Variants in WNT3A observed in about 807,000 individuals in gnomAD.
WNT3A encodes the protein protein Wnt-3a.
WNT3A carries 17 observed loss-of-function variants against 37.0 expected under a neutral mutation model. The observed-to-expected ratio is 0.46, with a 90% CI of 0.31 to 0.69. WNT3A has a LOEUF of 0.69. WNT3A is among the 30% of genes least tolerant of loss of function. The pLI is 0.05. For missense variants in WNT3A, 411 were observed against 510.2 expected (o/e 0.81, Z 1.87); for synonymous variants, 187 against 211.0 (o/e 0.89, Z 0.99).
At chr1:228,016,504 C>T (rs2030536346) in intron 1 of WNT3A, among the ~76,000 whole-genome samples, 1 of 152,106 alleles carries the variant, frequency 6.6e-6, no homozygotes, top group Non-Finnish European at 1.5e-5. Context: ...AAGGGGGCTG[C>T]ATTGGGGACA....
chr1:228,009,414 A>G (rs2030305985), intron 1 of WNT3A, among the ~76,000 whole-genome samples: 1 of 152,138 alleles, frequency 6.6e-6, no homozygotes, highest in South Asian at 2.1e-4. Context: ...TAGCCGGGGA[A>G]GATTCTCTCT....
intron 3 of WNT3A, among the ~76,000 whole-genome samples, chr1:228,055,240 G>A (rs1172655675): frequency 3.7e-5 from 4 of 107,142 alleles, no homozygotes; most frequent in African/African-American, 1.6e-4. Flanking sequence ...AATAGATTTG[G>A]AAAATAATTA....
rs1203268774 is a variant in WNT3A at position 228,038,712 on chromosome 1, T to C, written c.314-11944T>C. ...GTATGTGGTGGGGGTGTGGTAATCA[T>C]ACAGGGTGCAGCGTGCACGGGGGGC... is the stretch of plus-strand genomic sequence containing the variant. On this transcript the variant is annotated intron_variant, in intron 2 of 3. Coordinates refer to ENST00000284523, the MANE Select transcript of WNT3A (RefSeq NM_033131.4). This position sits in a 1 kb window ranked among gnomAD's most constrained non-coding sequence, Gnocchi z 5.7. Among the ~76,000 whole-genome samples the C allele has an allele frequency of 6.6e-6, 1 of 152,132 alleles. No individual in the cohort carries two copies. Among genetic ancestry groups the C allele is most frequent in the East Asian group, 1.9e-4 (1 of 5,184 alleles).
chr1:228,014,682 G>T (rs967035970), intron 1 of WNT3A, among the ~76,000 whole-genome samples: 1 of 152,268 alleles, frequency 6.6e-6, no homozygotes, highest in Non-Finnish European at 1.5e-5. Context: ...AATTGCACAT[G>T]GGACCAAACC....
At chr1:228,055,359 A>G (rs1363108487) in intron 3 of WNT3A, among the ~76,000 whole-genome samples, 1 of 149,590 alleles carries the variant, frequency 6.7e-6, no homozygotes, top group Non-Finnish European at 1.5e-5. Flanking sequence ...CAATAAATTA[A>G]TTTTAAAATA....
At chr1:228,047,488 C>A (rs183756689) in intron 2 of WNT3A, among the ~76,000 whole-genome samples, 1 of 152,068 alleles carries the variant, frequency 6.6e-6, no homozygotes, top group Non-Finnish European at 1.5e-5. Flanking sequence ...CACACTCACT[C>A]GTGCCTTTCT....
At chr1:228,058,470 G>A (rs567904840) in intron 3 of WNT3A, among the ~76,000 whole-genome samples, 1 of 152,350 alleles carries the variant, frequency 6.6e-6, no homozygotes, top group East Asian at 1.9e-4. Context: ...TCCCCCAACA[G>A]CCTTATGTCC....
rs2031517364 is a variant in WNT3A at position 228,050,404 on chromosome 1, G to T, written c.314-252G>T. On this transcript the variant is annotated intron_variant, in intron 2 of 3. Coordinates refer to ENST00000284523, the MANE Select transcript of WNT3A (RefSeq NM_033131.4). The surrounding 1 kb of genome is among the most constrained non-coding windows in gnomAD (Gnocchi z 5.0). Reference sequence around the variant, plus strand: ...CACCATGTAATTTCTTGCACACACTGGTTCCCCTTTACGCCCCCTTTCCCT... The same window carrying T: ...CACCATGTAATTTCTTGCACACACTTGTTCCCCTTTACGCCCCCTTTCCCT... 6.6e-6 allele frequency among the ~76,000 whole-genome samples: 1 copy of T among 152,154 alleles called. No individual in the cohort carries two copies. Among genetic ancestry groups the T allele is most frequent in the African/African-American group, 2.4e-5 (1 of 41,448 alleles).
At position 228,050,744 on chromosome 1, in the gene WNT3A, C is replaced by T; in HGVS notation, c.402C>T (p.Ala134=). ...GCTCATGTGCAGAAGGCACGGCCGC[C>T]ATCTGTGGCTGCAGCAGCCGCCACC... ...VTRSCAEGTA[A]ICGCSSRHQG... Residue 134 remains alanine, a synonymous_variant, in exon 3 of 4, where the codon GCC becomes GCT. Coordinates refer to ENST00000284523, the MANE Select transcript of WNT3A (RefSeq NM_033131.4). This position sits in a 1 kb window ranked among gnomAD's most constrained non-coding sequence, Gnocchi z 5.0. 1 of 1,614,158 alleles carries T rather than the reference C, an allele frequency of 6.2e-7. No individual in the cohort carries two copies. Among genetic ancestry groups the T allele is most frequent in the Non-Finnish European group, 8.5e-7 (1 of 1,180,026 alleles).
chr1:228,038,754 C>T lies in WNT3A; in HGVS notation c.314-11902C>T, dbSNP rs1374796883. On this transcript the variant is annotated intron_variant, in intron 2 of 3. Coordinates refer to ENST00000284523, the MANE Select transcript of WNT3A (RefSeq NM_033131.4). This position sits in a 1 kb window ranked among gnomAD's most constrained non-coding sequence, Gnocchi z 5.7. Reference sequence around the variant, plus strand: ...ACGGGGGGCTGTGTTCGCTGTGACCCTCCATCCCCCAGGATGCCTGAAGGC... The same window carrying T: ...ACGGGGGGCTGTGTTCGCTGTGACCTTCCATCCCCCAGGATGCCTGAAGGC... Among the ~76,000 whole-genome samples the T allele has an allele frequency of 6.6e-6, 1 of 152,182 alleles. No homozygotes were observed. Among genetic ancestry groups the T allele is most frequent in the Non-Finnish European group, 1.5e-5 (1 of 68,028 alleles).
At position 228,031,937 on chromosome 1, in the gene WNT3A, T is replaced by C. The variant is rs1321176398; in HGVS notation, c.313+9029T>C. On this transcript the variant is annotated intron_variant, in intron 2 of 3. Coordinates refer to ENST00000284523, the MANE Select transcript of WNT3A (RefSeq NM_033131.4). This position sits in a 1 kb window ranked among gnomAD's most constrained non-coding sequence, Gnocchi z 4.8. ...CCCTCTGAGAAGGAAGCAGCGATTT[T>C]AGGAAGAAAGCAGGAAGCCTGTCCT... Among the ~76,000 whole-genome samples the C allele has an allele frequency of 2.0e-5, 3 of 152,082 alleles. No individual in the cohort carries two copies. Among genetic ancestry groups the C allele is most frequent in the Non-Finnish European group, 4.4e-5 (3 of 68,006 alleles).
At position 228,008,166 on chromosome 1, in the gene WNT3A, G is replaced by A. The variant is rs75577608; in HGVS notation, c.71+967G>A. On this transcript the variant is annotated intron_variant, in intron 1 of 3. Coordinates refer to ENST00000284523, the MANE Select transcript of WNT3A (RefSeq NM_033131.4). The surrounding 1 kb of genome is among the most constrained non-coding windows in gnomAD (Gnocchi z 4.9). Reference sequence around the variant, plus strand: ...CAGTTCCGAATTAAGGGCGCTCTGAGATGCCCAAGATTGAGGAACACAAGT... The same window carrying A: ...CAGTTCCGAATTAAGGGCGCTCTGAAATGCCCAAGATTGAGGAACACAAGT... 0.045 allele frequency among the ~76,000 whole-genome samples: 6,791 copies of A among 152,254 alleles called. 530 individuals carry two copies. Among genetic ancestry groups the A allele is most frequent in the African/African-American group, 0.15 (6,405 of 41,524 alleles).
chr1:228,026,828 A>G (rs2030863598), intron 2 of WNT3A, among the ~76,000 whole-genome samples: 1 of 152,168 alleles, frequency 6.6e-6, no homozygotes, highest in African/African-American at 2.4e-5. Flanking sequence ...TCCATGGTGT[A>G]TATATACCAC....
At position 228,060,977 on chromosome 1, in the gene WNT3A, C is replaced by T. The variant is rs1016282759; in HGVS notation, c.*1512C>T. 6.6e-6 allele frequency: 1 copy of T among 152,628 alleles called. No homozygotes were observed. The highest frequency in any genetic ancestry group is 2.4e-5 in the African/African-American group (1 of 41,460). 9.5% of individuals were successfully genotyped at this position (152,628 alleles called of 1,614,324 possible). A position where few individuals can be genotyped will look rare whatever the true frequency, so the allele number is the denominator to read the frequency against. On this transcript the variant is annotated 3_prime_UTR_variant, in exon 4 of 4. Transcript: ENST00000284523. Reference sequence around the variant, plus strand: ...CGGGACTGGAGAAATGGTCCGCTTTCCTGGAGCCAATGGCCCGGCCCCTCC... The same window carrying T: ...CGGGACTGGAGAAATGGTCCGCTTTTCTGGAGCCAATGGCCCGGCCCCTCC...
chr1:228,058,629 G>A (rs557705240), intron 3 of WNT3A, among the ~76,000 whole-genome samples: 1 of 152,230 alleles, frequency 6.6e-6, no homozygotes, highest in African/African-American at 2.4e-5. Flanking sequence ...CAGAAGGAAC[G>A]CCTATCCCCC....
intron 3 of WNT3A, among the ~76,000 whole-genome samples, chr1:228,052,925 G>T (rs1371761630): frequency 6.6e-6 from 1 of 152,208 alleles, no homozygotes; most frequent in Non-Finnish European, 1.5e-5. Context: ...TATGTTGTAA[G>T]CTTGATCTCC....
chr1:228,013,286 C>T (rs1362198608), intron 1 of WNT3A, among the ~76,000 whole-genome samples: 1 of 152,084 alleles, frequency 6.6e-6, no homozygotes, highest in Non-Finnish European at 1.5e-5. Context: ...TTGGACAATC[C>T]CCCACCCCAC....
chr1:228,041,100 A>T (rs2031275790), intron 2 of WNT3A, among the ~76,000 whole-genome samples: 1 of 151,672 alleles, frequency 6.6e-6, no homozygotes, highest in Admixed American at 6.6e-5. Flanking sequence ...AAATAAAAGC[A>T]CTTGGCAGTC....
intron 2 of WNT3A, among the ~76,000 whole-genome samples, chr1:228,029,411 C>T (rs2030943635): frequency 6.6e-6 from 1 of 152,112 alleles, no homozygotes; most frequent in Admixed American, 6.5e-5. Context: ...GAGGCGGGGC[C>T]CAGGGAACCA....
Sources: allele counts gnomAD v4.1 joint callset (sites outside exome capture counted in the v4.1 genomes callset), GRCh38; gene constraint gnomAD v4.1.1; non-coding constraint Gnocchi (gnomAD v3.1); transcripts MANE v1.5; gene names NCBI Gene and HGNC (gene_info 2026-07-23, HGNC 2026-07-21).